Variants in FMNL2 observed in about 807,000 individuals in gnomAD.
FMNL2 encodes the protein formin like 2.
FMNL2 carries 51 observed loss-of-function variants against 130.2 expected under a neutral mutation model. That is an observed-to-expected ratio of 0.39 (90% CI 0.31 to 0.49). FMNL2 has a LOEUF of 0.49. FMNL2 is among the 20% of genes least tolerant of loss of function. FMNL2 has a pLI of 0.85. For synonymous variants in FMNL2, 465 were observed against 467.1 expected (o/e 1.00, Z 0.06); for missense variants, 977 against 1,316.2 (o/e 0.74, Z 3.99).
chr2:152,600,418 T>C (rs1443010491), intron 9 of FMNL2, among the ~76,000 whole-genome samples: 2 of 152,238 alleles, frequency 1.3e-5, no homozygotes, highest in Admixed American at 1.3e-4. Flanking sequence ...CTACAGACTT[T>C]GCATGGTTCC....
chr2:152,612,180 C>T lies in FMNL2; in HGVS notation c.1062+575C>T, dbSNP rs539706575. ...CTCACTCCCTTGCAGAAGAGTTTAG[C>T]CAGTTCCCTGAAGTTCTTCAGTTAA... On this transcript the variant is annotated intron_variant, in intron 11 of 25. Coordinates refer to ENST00000288670, the MANE Select transcript of FMNL2 (RefSeq NM_052905.4). Among the ~76,000 whole-genome samples, 18 of 152,250 alleles carry T rather than the reference C, an allele frequency of 1.2e-4. No homozygotes were observed. The East Asian group carries it at 3.3e-3, about 28-fold the overall frequency.
chr2:152,619,961 T>C (rs1286517865), intron 15 of FMNL2, among the ~76,000 whole-genome samples: 1 of 152,036 alleles, frequency 6.6e-6, no homozygotes, highest in African/African-American at 2.4e-5. Context: ...CTACACCATC[T>C]TCCTGCCTTC....
intron 1 of FMNL2, among the ~76,000 whole-genome samples, chr2:152,506,849 T>A (rs1163367995): frequency 2.7e-4 from 1 of 3,644 alleles, no homozygotes; most frequent in African/African-American, 4.8e-4. Context: ...AGGAAAAAAC[T>A]CATTTTATTC....
intron 20 of FMNL2, 107 bp from the exon 21 acceptor site, chr2:152,631,901 C>T (rs1387250252): frequency 1.4e-5 from 18 of 1,252,388 alleles, no homozygotes; most frequent in Admixed American, 5.4e-5. Flanking sequence ...GCCTGTTGGG[C>T]GACTGTTACT....
chr2:152,446,743 T>C (rs552763058), intron 1 of FMNL2, among the ~76,000 whole-genome samples: 2 of 152,196 alleles, frequency 1.3e-5, no homozygotes, highest in Non-Finnish European at 2.9e-5. Flanking sequence ...TCTGCAGATA[T>C]GCAAAGGACT....
chr2:152,408,330 TTA>T (rs58268798), intron 1 of FMNL2, among the ~76,000 whole-genome samples: 5,623 of 152,280 alleles, frequency 0.037, 173 homozygotes, highest in African/African-American at 0.086. Context: ...CTTTGTCGTA[TTA>T]TGTTTCTTAG....
At chr2:152,464,501 A>G (rs1689421115) in intron 1 of FMNL2, among the ~76,000 whole-genome samples, 1 of 152,168 alleles carries the variant, frequency 6.6e-6, no homozygotes. Context: ...TGTCCACTCC[A>G]GTGAAATTGT....
intron 10 of FMNL2, 72 bp downstream of exon 10, chr2:152,607,485 AC>A: frequency 1.1e-6 from 1 of 873,862 alleles, no homozygotes; most frequent in Non-Finnish European, 1.8e-6. Flanking sequence ...ACACACACAC[AC>A]ACACACACAC....
rs544007334 is a variant in FMNL2, at chr2:152,397,103, C to T, written c.117+61383C>T. On this transcript the variant is annotated intron_variant, in intron 1 of 25. Transcript: ENST00000288670. The stretch of plus-strand genomic sequence containing the variant: ...GATGGAAAAAGATCTATTAAGGTTA[C>T]GTGTATTTTGGATTTAATGTTGCTT... Among the ~76,000 whole-genome samples, 6 of 152,242 alleles carry T rather than the reference C, an allele frequency of 3.9e-5. No individual in the cohort carries two copies. In the East Asian group the frequency reaches 9.6e-4, roughly 24 times the overall value.
At chr2:152,562,530 T>C (rs144029004) in intron 6 of FMNL2, among the ~76,000 whole-genome samples, 46 of 152,320 alleles carry the variant, frequency 3.0e-4, no homozygotes, top group African/African-American at 1.1e-3. Context: ...GGATTTGATA[T>C]TTGAGTATGA....
At chr2:152,366,487 C>A (rs58626966) in intron 1 of FMNL2, among the ~76,000 whole-genome samples, 11,914 of 139,146 alleles carry the variant, frequency 0.086, 511 homozygotes, top group African/African-American at 0.11. Context: ...ACAACAACAA[C>A]AAAAAGAATG....
rs1437419869 is a variant in FMNL2, at chr2:152,498,983, T to C, written c.118-22960T>C. On this transcript the variant is annotated intron_variant, in intron 1 of 25. Transcript: ENST00000288670. ...GGCCTATGTGGTTCATGTATCTTTC[T>C]GTAAGGCAATAACCGTGAAGGGCAA... Among the ~76,000 whole-genome samples the C allele has an allele frequency of 2.6e-5, 4 of 152,232 alleles. No individual in the cohort carries two copies. In the East Asian group the frequency reaches 7.7e-4, roughly 29 times the overall value.
intron 1 of FMNL2, among the ~76,000 whole-genome samples, chr2:152,424,394 C>CTTTT (rs201404421): frequency 7.0e-6 from 1 of 142,134 alleles, no homozygotes; most frequent in Non-Finnish European, 1.5e-5. Context: ...GGCCTACCAT[C>CTTTT]TTTTTTTTTT....
chr2:152,452,925 C>T (rs553383444), intron 1 of FMNL2, among the ~76,000 whole-genome samples: 4 of 152,160 alleles, frequency 2.6e-5, no homozygotes, highest in East Asian at 1.9e-4. Flanking sequence ...GCTGAATGGC[C>T]GGGCGCGGTG....
At chr2:152,452,389 A>G (rs1688691030) in intron 1 of FMNL2, among the ~76,000 whole-genome samples, 1 of 152,166 alleles carries the variant, frequency 6.6e-6, no homozygotes, top group Non-Finnish European at 1.5e-5. Context: ...CTTTTCTCAC[A>G]CGAGTTTTGG....
chr2:152,540,523 T>G (rs1694251423), intron 2 of FMNL2, among the ~76,000 whole-genome samples: 1 of 152,020 alleles, frequency 6.6e-6, no homozygotes, highest in Non-Finnish European at 1.5e-5. Flanking sequence ...TATTTTTAAA[T>G]AAAGGGAAAA....
intron 1 of FMNL2, among the ~76,000 whole-genome samples, chr2:152,502,835 T>G (rs1168526796): frequency 6.6e-6 from 1 of 152,136 alleles, no homozygotes; most frequent in Non-Finnish European, 1.5e-5. Context: ...GGGGTTTATT[T>G]CCTTCATGAC....
At chr2:152,344,844 A>G (rs1482183564) in intron 1 of FMNL2, among the ~76,000 whole-genome samples, 7 of 152,224 alleles carry the variant, frequency 4.6e-5, no homozygotes. Flanking sequence ...TGAAATGTAA[A>G]CAACATTCAT....
chr2:152,345,025 T>G (rs1682034398), intron 1 of FMNL2, among the ~76,000 whole-genome samples: 1 of 152,230 alleles, frequency 6.6e-6, no homozygotes, highest in South Asian at 2.1e-4. Context: ...ATTCCTCTTA[T>G]TCATAATTTT....
Sources: gnomAD v4.1 joint callset for allele counts (sites outside exome capture counted in the v4.1 genomes callset) on GRCh38, gnomAD v4.1.1 for gene constraint, MANE v1.5 for transcripts, NCBI Gene and HGNC (gene_info 2026-07-23, HGNC 2026-07-21) for gene names.